The following NACC1 variants were observed in gnomAD, a reference collection of about 807,000 sequenced individuals.
The protein encoded by NACC1 is nucleus accumbens-associated protein 1.
NACC1 carries 6 observed loss-of-function variants against 41.7 expected under a neutral mutation model. That is an observed-to-expected ratio of 0.14 (90% CI 0.08 to 0.28). NACC1 has a LOEUF of 0.28. Among genes scored for constraint, NACC1 ranks in the 10% least tolerant of loss-of-function variants. The pLI is 1.00. For missense variants in NACC1, 434 were observed against 763.7 expected, an observed-to-expected ratio of 0.57 and a Z score of 5.09; for synonymous variants, 338 against 330.6, an observed-to-expected ratio of 1.02 and a Z score of -0.24.
chr19:13,125,027 G>C (rs2019545252), intron 1 of NACC1, among the ~76,000 whole-genome samples: 1 of 151,996 alleles, frequency 6.6e-6, no homozygotes, highest in African/African-American at 2.4e-5. Flanking sequence ...CGGGCGTGGT[G>C]GCACACATCC....
chr19:13,133,164 C>T (rs1264289040), intron 1 of NACC1, among the ~76,000 whole-genome samples: 1 of 152,138 alleles, frequency 6.6e-6, no homozygotes, highest in Non-Finnish European at 1.5e-5. Flanking sequence ...GTACTTGTTA[C>T]TTTCTCCTGC....
intron 1 of NACC1, among the ~76,000 whole-genome samples, chr19:13,133,669 ATCC>A (rs1568384975): frequency 2.6e-5 from 4 of 152,278 alleles, no homozygotes; most frequent in Non-Finnish European, 5.9e-5. Context: ...TGGCCCATCC[ATCC>A]GCAGATGGAC....
rs1280762194 is a variant in NACC1, at chr19:13,136,773, TC to T, written c.1120+371del. On this transcript the variant is annotated intron_variant, in intron 3 of 5. Coordinates refer to ENST00000292431, the MANE Select transcript of NACC1 (RefSeq NM_052876.4). The surrounding 1 kb of genome is among the most constrained non-coding windows in gnomAD (Gnocchi z 5.5). ...TACTCAGGAGGCTGAGGTGGGAGGA[TC>T]CCTTGAGCCCAGGAGGTCAAGGCTG... is the stretch of plus-strand genomic sequence containing the variant. 2.6e-5 allele frequency among the ~76,000 whole-genome samples: 4 copies of T among 152,052 alleles called. No individual in the cohort carries two copies. The highest frequency in any genetic ancestry group is 2.6e-4 in the Admixed American group (4 of 15,260).
At position 13,138,558 on chromosome 19, in the gene NACC1, TC is replaced by T; in HGVS notation, c.*156del. The T allele has an allele frequency of 2.0e-6, 2 of 1,020,106 alleles. No homozygotes were observed. The highest frequency in any genetic ancestry group is 1.4e-6 in the Non-Finnish European group (1 of 729,860). 63.2% of individuals were successfully genotyped at this position (1,020,106 alleles called of 1,614,324 possible). A position where few individuals can be genotyped will look rare whatever the true frequency, so the allele number is the denominator to read the frequency against. On this transcript the variant is annotated 3_prime_UTR_variant, in exon 6 of 6. Coordinates refer to ENST00000292431, the MANE Select transcript of NACC1 (RefSeq NM_052876.4). This position sits in a 1 kb window ranked among gnomAD's most constrained non-coding sequence, Gnocchi z 5.7. Reference sequence around the variant, plus strand: ...TCTGCCCCTCCTGTCCTACCCCCTTTCCCCACCGAGAGCTGGGCCGGGAGAG... The same window carrying T: ...TCTGCCCCTCCTGTCCTACCCCCTTTCCCACCGAGAGCTGGGCCGGGAGAG...
At chr19:13,128,469 A>G (rs1437083456) in intron 1 of NACC1, among the ~76,000 whole-genome samples, 1 of 152,230 alleles carries the variant, frequency 6.6e-6, no homozygotes, top group East Asian at 1.9e-4. Flanking sequence ...ATCTCCAGAT[A>G]CAGGCACATT....
At chr19:13,119,253 A>G (rs916699727) in intron 1 of NACC1, among the ~76,000 whole-genome samples, 1 of 151,484 alleles carries the variant, frequency 6.6e-6, no homozygotes, top group East Asian at 1.9e-4. Flanking sequence ...CCCCCAACTC[A>G]AGTGTTAAGG....
At chr19:13,134,432 A>G (rs1331829136) in intron 1 of NACC1, among the ~76,000 whole-genome samples, 1 of 151,130 alleles carries the variant, frequency 6.6e-6, no homozygotes, top group Non-Finnish European at 1.5e-5. Context: ...GTGCAGTGCC[A>G]CAATCTCGGC....
intron 1 of NACC1, among the ~76,000 whole-genome samples, chr19:13,126,899 G>A (rs959142282): frequency 6.6e-6 from 1 of 152,008 alleles, no homozygotes; most frequent in Non-Finnish European, 1.5e-5. Flanking sequence ...GATCTACACA[G>A]GCAAACTCCC....
intron 1 of NACC1, among the ~76,000 whole-genome samples, chr19:13,122,098 G>T (rs894969568): frequency 6.6e-6 from 1 of 152,200 alleles, no homozygotes; most frequent in Non-Finnish European, 1.5e-5. Context: ...ATTAGGTGGG[G>T]TGAGGACCAG....
chr19:13,135,469 G>A lies in NACC1; in HGVS notation c.262G>A (p.Gly88Ser). Reference sequence around the variant, plus strand: ...GCAGATCCTCAGCTTCTGCTACACGGGCCGGCTGAGCATGAACGTGGGCGA... The same window carrying A: ...GCAGATCCTCAGCTTCTGCTACACGAGCCGGCTGAGCATGAACGTGGGCGA... ...FQQILSFCYT[G>S]RLSMNVGDQF... The change falls in exon 2 of 6, where the codon GGC (glycine) becomes AGC (serine). Residue 88 changes from glycine (G) to serine (S), a missense_variant. By Grantham distance (56) the Gly-to-Ser change is moderately conservative. This residue lies in a region of NACC1 where 67 missense variants were observed against 180.1 expected (regional missense o/e 0.37). Coordinates refer to ENST00000292431, the MANE Select transcript of NACC1 (RefSeq NM_052876.4). The A allele has an allele frequency of 6.2e-7, 1 of 1,613,542 alleles. No individual in the cohort carries two copies. Among genetic ancestry groups the A allele is most frequent in the Non-Finnish European group, 8.5e-7 (1 of 1,179,872 alleles).
At chr19:13,120,911 C>T (rs748456750) in intron 1 of NACC1, among the ~76,000 whole-genome samples, 2 of 152,218 alleles carry the variant, frequency 1.3e-5, no homozygotes, top group Non-Finnish European at 2.9e-5. Flanking sequence ...GCAAGTGCAA[C>T]AAGTAGGCAG....
intron 1 of NACC1, among the ~76,000 whole-genome samples, chr19:13,131,102 C>T (rs1041448932): frequency 6.6e-6 from 1 of 152,140 alleles, no homozygotes; most frequent in African/African-American, 2.4e-5. Context: ...ACATACCCAC[C>T]CCAACTGTAA....
chr19:13,131,213 T>C (rs1433790206), intron 1 of NACC1, among the ~76,000 whole-genome samples: 1 of 152,144 alleles, frequency 6.6e-6, no homozygotes, highest in African/African-American at 2.4e-5. Context: ...GAGGATGCAG[T>C]TCATCAGGAT....
chr19:13,133,038 C>T (rs1270602039), intron 1 of NACC1, among the ~76,000 whole-genome samples: 1 of 152,198 alleles, frequency 6.6e-6, no homozygotes, highest in African/African-American at 2.4e-5. Flanking sequence ...ACTGTATTCT[C>T]AGTGCCCAGC....
intron 1 of NACC1, among the ~76,000 whole-genome samples, chr19:13,122,523 CGG>C (rs79172329): frequency 0.2 from 15,288 of 76,988 alleles, 1,450 homozygotes; most frequent in African/African-American, 0.36. Context: ...TTGCCCCTGC[CGG>C]GGGGGGGGGG....
chr19:13,138,571 C>A lies in NACC1; in HGVS notation c.*165C>A. 9.1e-7 allele frequency: 1 copy of A among 1,093,548 alleles called. No individual in the cohort carries two copies. Among genetic ancestry groups the A allele is most frequent in the Non-Finnish European group, 1.3e-6 (1 of 779,752 alleles). The allele number at this position is 1,093,548 out of a possible 1,614,324, so 67.7% of individuals were successfully genotyped here. ...TCCTACCCCCTTTCCCCACCGAGAG[C>A]TGGGCCGGGAGAGGACCGCAGGGCA... On this transcript the variant is annotated 3_prime_UTR_variant, in exon 6 of 6. Transcript: ENST00000292431. The surrounding 1 kb of genome is among the most constrained non-coding windows in gnomAD (Gnocchi z 5.7).
chr19:13,135,083 C>T (rs2019682136), intron 1 of NACC1, 117 bp from the exon 2 acceptor site: 14 of 1,430,052 alleles, frequency 9.8e-6, no homozygotes, highest in Admixed American at 5.7e-5. Context: ...TTCCATCGTG[C>T]GGATGTCCCT....
chr19:13,126,209 A>G (rs1321659275), intron 1 of NACC1, among the ~76,000 whole-genome samples: 2 of 149,280 alleles, frequency 1.3e-5, no homozygotes, highest in Non-Finnish European at 3.0e-5. Context: ...GTGCCTGGCT[A>G]ATTTTTTGTA....
intron 1 of NACC1, among the ~76,000 whole-genome samples, chr19:13,124,378 C>T (rs946428525): frequency 2.0e-5 from 3 of 151,912 alleles, no homozygotes; most frequent in Non-Finnish European, 2.9e-5. Flanking sequence ...CCAGCCTGGG[C>T]GACAGAGGAA....
Sources: allele counts gnomAD v4.1 joint callset (sites outside exome capture counted in the v4.1 genomes callset), GRCh38; gene constraint gnomAD v4.1.1; regional missense constraint gnomAD v4.1.1; non-coding constraint Gnocchi (gnomAD v3.1); transcripts MANE v1.5; gene names NCBI Gene and HGNC (gene_info 2026-07-23, HGNC 2026-07-21).